CYP27A1: variants seen among roughly 807,000 people sequenced by gnomAD.
CYP27A1 encodes cytochrome P450 family 27 subfamily A member 1.
A neutral mutation model predicts 58.2 loss-of-function variants in CYP27A1; 46 were observed. The observed-to-expected ratio is 0.79, with a 90% CI of 0.62 to 1.01. CYP27A1 has a LOEUF of 1.01. Ranked by LOEUF, CYP27A1 falls within the 50% of genes least tolerant of loss-of-function variation. The pLI is 0.00. For synonymous variants in CYP27A1, 274 were observed against 285.1 expected, an observed-to-expected ratio of 0.96 and a Z score of 0.39; for missense variants, 704 against 687.0, an observed-to-expected ratio of 1.02 and a Z score of -0.28.
At position 218,814,752 on chromosome 2, in the gene CYP27A1, G is replaced by T. The variant is rs72551323; in HGVS notation, c.1471G>T (p.Ala491Ser). 4,784 of 1,614,054 alleles carry T rather than the reference G, an allele frequency of 3.0e-3. 17 individuals are homozygous for T. Among genetic ancestry groups the T allele is most frequent in the Admixed American group, 2.7e-3 (164 of 60,026 alleles). ...AGAGCTGGAGATGCAGCTACTCCTC[G>T]CAAGGGTGAGCTGGGAGAGGCTAGT... ...IAELEMQLLL[A>S]RLIQKYKVVL... The change falls in exon 8 of 9, where the codon GCA (alanine) becomes TCA (serine). Residue 491 changes from alanine to serine, a missense_variant. By Grantham distance (99) the Ala-to-Ser change is moderately conservative. Transcript: ENST00000258415.
At chr2:218,805,179 T>C (rs1475412010) in intron 1 of CYP27A1, among the ~76,000 whole-genome samples, 2 of 152,242 alleles carry the variant, frequency 1.3e-5, no homozygotes, top group Admixed American at 1.3e-4. Context: ...AATGGAATTA[T>C]TTTCTTAATT....
chr2:218,809,600 T>C lies in CYP27A1; in HGVS notation c.279T>C (p.Gly93=), dbSNP rs773872361. The C allele has an allele frequency of 6.2e-7, 1 of 1,614,076 alleles. No homozygotes were observed. The highest frequency in any genetic ancestry group is 1.1e-5 in the South Asian group (1 of 91,076). ...AGGTGCTTTACAAGGCCAAGTACGG[T>C]CCAATGTGGATGTCCTACTTAGGGC... ...QLQVLYKAKY[G]PMWMSYLGPQ... The change falls in exon 2 of 9, where the codon GGT becomes GGC. Residue 93 remains glycine, a synonymous_variant. Transcript: ENST00000258415.
rs1943741863 is a variant in CYP27A1 at position 218,813,083 on chromosome 2, C to T, written c.1004C>T (p.Ala335Val). Reference protein sequence around the residue: ...AMGSLPELLMAGVDTTSNTLT... With the variant: ...AMGSLPELLMVGVDTTSNTLT... ...GGCAGCCTGCCTGAGCTGCTCATGG[C>T]TGGAGTGGACACGGTGCGTGAAGGG... Residue 335 changes from alanine (A) to valine (V), a missense_variant, in exon 5 of 9, where the codon GCT becomes GTT. Transcript: ENST00000258415. 2 of 1,611,974 alleles carry T rather than the reference C, an allele frequency of 1.2e-6. No individual in the cohort carries two copies. Among genetic ancestry groups the T allele is most frequent in the East Asian group, 4.5e-5 (2 of 44,824 alleles).
At position 218,803,722 on chromosome 2, in the gene CYP27A1, C is replaced by CTT. The variant is rs71040407; in HGVS notation, c.256-5828_256-5827dup. On this transcript the variant is annotated intron_variant, in intron 1 of 8. Coordinates refer to ENST00000258415, the MANE Select transcript of CYP27A1 (RefSeq NM_000784.4). ...CAGGTGTGAGCCACCGTGCCCCCGT[C>CTT]TTTTTTTTTTTTTTTTTTTTTTTTT... Among the ~76,000 whole-genome samples, 484 of 57,782 alleles carry CTT rather than the reference C, an allele frequency of 8.4e-3. 23 individuals carry two copies. The highest frequency in any genetic ancestry group is 0.023 in the African/African-American group (280 of 11,932). The allele number at this position is 57,782 out of a possible 152,430, so 37.9% of individuals were successfully genotyped here.
intron 1 of CYP27A1, chr2:218,806,103 A>G (rs1040821026): frequency 6.6e-6 from 1 of 152,202 alleles, no homozygotes; most frequent in African/African-American, 2.4e-5. Flanking sequence ...AAAATAAATC[A>G]CAGTATAGAG....
rs1943764323 is a variant in CYP27A1 at position 218,814,427 on chromosome 2, T to C, written c.1232T>C (p.Ile411Thr). The C allele has an allele frequency of 1.9e-6, 3 of 1,614,086 alleles. No individual in the cohort carries two copies. Among genetic ancestry groups the C allele is most frequent in the Non-Finnish European group, 1.7e-6 (2 of 1,180,020 alleles). The change falls in exon 7 of 9, where the codon ATT becomes ACT. Residue 411 changes from isoleucine (I) to threonine (T), a missense_variant. Ile to Thr is a moderately conservative substitution (Grantham distance 89). Coordinates refer to ENST00000258415, the MANE Select transcript of CYP27A1 (RefSeq NM_000784.4). ...AACTCCCGGATCATAGAAAAGGAAA[T>C]TGAAGTTGATGGCTTCCTCTTCCCC... ...PTNSRIIEKE[I>T]EVDGFLFPKN...
At chr2:218,810,405 A>C (rs1328323661) in intron 2 of CYP27A1, among the ~76,000 whole-genome samples, 2 of 152,186 alleles carry the variant, frequency 1.3e-5, no homozygotes, top group African/African-American at 4.8e-5. Flanking sequence ...GGAGCTAAAC[A>C]TTATGTAGAG....
chr2:218,793,887 G>C (rs565605460), intron 1 of CYP27A1, among the ~76,000 whole-genome samples: 10 of 151,928 alleles, frequency 6.6e-5, no homozygotes, highest in Admixed American at 2.0e-4. Context: ...CTAATTTTTC[G>C]TATTTTAGTA....
chr2:218,798,533 G>A (rs1943568143), intron 1 of CYP27A1, among the ~76,000 whole-genome samples: 2 of 152,182 alleles, frequency 1.3e-5, no homozygotes, highest in Non-Finnish European at 2.9e-5. Flanking sequence ...CAATTGTGAA[G>A]TAGGCAAGTC....
At chr2:218,793,894 A>T (rs6712856) in intron 1 of CYP27A1, among the ~76,000 whole-genome samples, 64,305 of 151,736 alleles carry the variant, frequency 0.42, 14,138 homozygotes, top group Non-Finnish European at 0.46. Flanking sequence ...TTCGTATTTT[A>T]GTAGAGACAG....
At chr2:218,797,205 T>A (rs893034615) in intron 1 of CYP27A1, among the ~76,000 whole-genome samples, 3 of 152,152 alleles carry the variant, frequency 2.0e-5, no homozygotes, top group African/African-American at 7.2e-5. Flanking sequence ...TTTCAAGCAA[T>A]TCTCCTGCCT....
In CYP27A1 at chr2:218,782,435, C is replaced by A. The variant is rs1333458369; in HGVS notation, c.253C>A (p.Gln85Lys). The change falls in exon 1 of 9, where the codon CAG becomes AAG. Residue 85 changes from glutamine to lysine, a missense_variant and splice_region_variant. By Grantham distance (53) the Gln-to-Lys change is moderately conservative (BLOSUM62 1). Transcript: ENST00000258415. The surrounding 1 kb of genome is among the most constrained non-coding windows in gnomAD (Gnocchi z 4.1). ...CTATGCCCTGCAACTGCACCAGTTACAGGTAACCCGCGGGGGCATCGCGTC... is the reference window on the plus strand; with the variant it reads ...CTATGCCCTGCAACTGCACCAGTTAAAGGTAACCCGCGGGGGCATCGCGTC... ...QGYALQLHQLQVLYKAKYGPM... is the reference protein window; with the variant it reads ...QGYALQLHQLKVLYKAKYGPM... 6.2e-7 allele frequency: 1 copy of A among 1,614,084 alleles called. No homozygotes were observed. Among genetic ancestry groups the A allele is most frequent in the Non-Finnish European group, 8.5e-7 (1 of 1,180,030 alleles).
intron 1 of CYP27A1, among the ~76,000 whole-genome samples, chr2:218,797,387 G>A (rs114454010): frequency 2.6e-3 from 393 of 152,208 alleles, no homozygotes; most frequent in African/African-American, 8.9e-3. Flanking sequence ...GGCACGAGCC[G>A]TTGCGCCTGG....
At chr2:218,802,257 C>T (rs1162806620) in intron 1 of CYP27A1, among the ~76,000 whole-genome samples, 1 of 151,616 alleles carries the variant, frequency 6.6e-6, no homozygotes, top group African/African-American at 2.4e-5. Flanking sequence ...CAAGTGTGCG[C>T]TCACCATTGC....
intron 5 of CYP27A1, 129 bp from the exon 6 acceptor site, chr2:218,813,892 G>GT: frequency 9.8e-7 from 1 of 1,015,902 alleles, no homozygotes; most frequent in Non-Finnish European, 1.5e-6. Context: ...GAACCTGCAT[G>GT]TTTTTTCCTG....
chr2:218,812,675 T>A lies in CYP27A1; in HGVS notation c.770T>A (p.Leu257His), dbSNP rs1642029845. The change falls in exon 4 of 9, where the codon CTC (leucine) becomes CAC (histidine). Residue 257 changes from leucine (L) to histidine (H), a missense_variant. Physicochemically the swap from Leu to His is moderately conservative, Grantham distance 99. Transcript: ENST00000258415. ...MFQNSLYATF[L>H]PKWTRPVLPF... Reference sequence around the variant, plus strand: ...CAGAACTCACTCTATGCCACCTTCCTCCCCAAGTGGACTCGCCCCGTGCTG... The same window carrying A: ...CAGAACTCACTCTATGCCACCTTCCACCCCAAGTGGACTCGCCCCGTGCTG... 6 of 1,614,182 alleles carry A rather than the reference T, an allele frequency of 3.7e-6. No homozygotes were observed. The highest frequency in any genetic ancestry group is 5.1e-6 in the Non-Finnish European group (6 of 1,180,026).
intron 1 of CYP27A1, among the ~76,000 whole-genome samples, chr2:218,805,597 T>C (rs928228793): frequency 2.6e-5 from 2 of 78,170 alleles, no homozygotes; most frequent in African/African-American, 5.7e-5. Flanking sequence ...TGCTTACTGC[T>C]GTATCCCTAG....
At chr2:218,787,047 T>C (rs1447935861) in intron 1 of CYP27A1, among the ~76,000 whole-genome samples, 1 of 152,194 alleles carries the variant, frequency 6.6e-6, no homozygotes, top group Non-Finnish European at 1.5e-5. Flanking sequence ...CACTTTGGCC[T>C]CCCAAAGTAC....
rs397515354 is a variant in CYP27A1, at chr2:218,812,750, G to A, written c.844+1G>A. Reference sequence around the variant, plus strand: ...GGTTGGAATGCCATCTTTTCCTTTGGTGAGGACTCCCAGATGGGGCCCAGG... The same window carrying A: ...GGTTGGAATGCCATCTTTTCCTTTGATGAGGACTCCCAGATGGGGCCCAGG... On this transcript the variant is annotated splice_donor_variant, in intron 4 of 8. Coordinates refer to ENST00000258415, the MANE Select transcript of CYP27A1 (RefSeq NM_000784.4). LOFTEE classifies it high-confidence loss of function. 25 of 1,614,052 alleles carry A rather than the reference G, an allele frequency of 1.5e-5. No individual in the cohort carries two copies. Among genetic ancestry groups the A allele is most frequent in the Non-Finnish European group, 2.1e-5 (25 of 1,180,046 alleles).
Sources: gnomAD v4.1 joint callset for allele counts (sites outside exome capture counted in the v4.1 genomes callset) on GRCh38, gnomAD v4.1.1 for gene constraint, Gnocchi (gnomAD v3.1) non-coding constraint, MANE v1.5 for transcripts, NCBI Gene and HGNC (gene_info 2026-07-23, HGNC 2026-07-21) for gene names.